The following AUTS2 variants were observed in gnomAD, a reference collection of about 807,000 sequenced individuals.
AUTS2 encodes activator of transcription and developmental regulator AUTS2, also known as autism susceptibility gene 2 protein.
In AUTS2, 17 loss-of-function variants were observed where a neutral mutation model predicts 112.4. That is an observed-to-expected ratio of 0.15 (90% CI 0.10 to 0.23). AUTS2 has a LOEUF of 0.23. Ranked by LOEUF, AUTS2 falls within the 10% of genes least tolerant of loss-of-function variation. The pLI is 1.00. For synonymous variants in AUTS2, 751 were observed against 702.7 expected (o/e 1.07, Z -1.09); for missense variants, 1,510 against 1,701.6 (o/e 0.89, Z 1.98).
chr7:70,654,146 A>T (rs1806647663), intron 5 of AUTS2, among the ~76,000 whole-genome samples: 2 of 152,220 alleles, frequency 1.3e-5, no homozygotes, highest in South Asian at 4.1e-4. Flanking sequence ...AACTATGGAA[A>T]TATGATAGTC....
chr7:70,575,717 C>T (rs1802136230), intron 5 of AUTS2, among the ~76,000 whole-genome samples: 1 of 152,208 alleles, frequency 6.6e-6, no homozygotes, highest in South Asian at 2.1e-4. Flanking sequence ...AACTGCGGGC[C>T]TGTCAGTCCC....
chr7:70,615,590 T>TTGC (rs1372488543), intron 5 of AUTS2, among the ~76,000 whole-genome samples: 1 of 151,802 alleles, frequency 6.6e-6, no homozygotes, highest in Non-Finnish European at 1.5e-5. Flanking sequence ...GTTGTTGTTG[T>TTGC]TGTTGTTGTT....
chr7:69,820,514 G>T (rs1165273481), intron 1 of AUTS2, among the ~76,000 whole-genome samples: 1 of 152,234 alleles, frequency 6.6e-6, no homozygotes, highest in Non-Finnish European at 1.5e-5. Context: ...CCTGCTTTAG[G>T]TTCATCAGTT....
At chr7:70,187,200 A>T (rs570850178) in intron 4 of AUTS2, among the ~76,000 whole-genome samples, 1 of 152,234 alleles carries the variant, frequency 6.6e-6, no homozygotes, top group Admixed American at 6.5e-5. Flanking sequence ...AGAGATTCCC[A>T]CTCTATTTCA....
At chr7:70,248,672 TCTTA>T (rs1161070660) in intron 4 of AUTS2, among the ~76,000 whole-genome samples, 3 of 152,226 alleles carry the variant, frequency 2.0e-5, no homozygotes, top group African/African-American at 4.8e-5. Flanking sequence ...AATTGTTTCT[TCTTA>T]CTTCATTTTT....
intron 5 of AUTS2, among the ~76,000 whole-genome samples, chr7:70,683,746 C>A (rs1472534202): frequency 6.6e-6 from 1 of 152,204 alleles, no homozygotes; most frequent in Admixed American, 6.5e-5. Context: ...TGCCCTGACC[C>A]TATGTAACAG....
In AUTS2 at chr7:70,631,549, A is replaced by C. The variant is rs1228173679; in HGVS notation, c.691-67020A>C. On this transcript the variant is annotated intron_variant, in intron 5 of 18. Coordinates refer to ENST00000342771, the MANE Select transcript of AUTS2 (RefSeq NM_015570.4). The surrounding 1 kb of genome is among the most constrained non-coding windows in gnomAD (Gnocchi z 4.5). ...AATGTGGGCTGGAGAGCGCTGTCCCAGTGGTGGCCCCGAGGCCACAGGTTC... is the reference window on the plus strand; with the variant it reads ...AATGTGGGCTGGAGAGCGCTGTCCCCGTGGTGGCCCCGAGGCCACAGGTTC... Among the ~76,000 whole-genome samples the C allele has an allele frequency of 8.5e-5, 13 of 152,150 alleles. No individual in the cohort carries two copies. The highest frequency in any genetic ancestry group is 2.9e-5 in the Non-Finnish European group (2 of 68,032).
intron 5 of AUTS2, among the ~76,000 whole-genome samples, chr7:70,470,897 A>G (rs1797354823): frequency 6.6e-6 from 1 of 152,172 alleles, no homozygotes; most frequent in Admixed American, 6.5e-5. Context: ...GACCCGCGGC[A>G]GTGTGTTTCA....
chr7:70,425,841 T>G (rs1458656147), intron 4 of AUTS2, among the ~76,000 whole-genome samples: 1 of 152,240 alleles, frequency 6.6e-6, no homozygotes, highest in Non-Finnish European at 1.5e-5. Context: ...TTACTGAAGA[T>G]GAATAGATGG....
chr7:70,018,439 G>T (rs1449563571), intron 2 of AUTS2, among the ~76,000 whole-genome samples: 2 of 152,150 alleles, frequency 1.3e-5, no homozygotes, highest in African/African-American at 2.4e-5. Context: ...ACTCAGTTTT[G>T]TAAATGAAGA....
chr7:70,219,513 TA>T (rs748135994), intron 4 of AUTS2, among the ~76,000 whole-genome samples: 7 of 151,940 alleles, frequency 4.6e-5, no homozygotes, highest in Non-Finnish European at 1.0e-4. Flanking sequence ...CATTTGTATA[TA>T]ACATTTGTTT....
chr7:70,600,337 G>A (rs961903270), intron 5 of AUTS2, among the ~76,000 whole-genome samples: 5 of 152,092 alleles, frequency 3.3e-5, no homozygotes, highest in African/African-American at 1.2e-4. Flanking sequence ...GTGCGGTGGT[G>A]CCATCTTGGC....
chr7:70,769,541 C>T (rs1435638889), intron 10 of AUTS2, among the ~76,000 whole-genome samples: 10 of 152,112 alleles, frequency 6.6e-5, no homozygotes, highest in African/African-American at 1.9e-4. Context: ...AAACATTAGC[C>T]GGGCGTGGTG....
chr7:70,574,672 C>T (rs1802086292), intron 5 of AUTS2, among the ~76,000 whole-genome samples: 1 of 152,304 alleles, frequency 6.6e-6, no homozygotes, highest in African/African-American at 2.4e-5. Context: ...AGGACTGTCT[C>T]CTGCCATTCT....
intron 5 of AUTS2, among the ~76,000 whole-genome samples, chr7:70,452,078 G>A (rs956292639): frequency 6.6e-6 from 1 of 152,190 alleles, no homozygotes; most frequent in African/African-American, 2.4e-5. Flanking sequence ...GCCTTGGGCA[G>A]TTTACTAATG....
intron 4 of AUTS2, among the ~76,000 whole-genome samples, chr7:70,154,721 G>A (rs531701230): frequency 2.0e-5 from 3 of 152,264 alleles, no homozygotes; most frequent in South Asian, 2.1e-4. Flanking sequence ...CATGATCAGC[G>A]CTCTCCACTT....
chr7:70,233,195 G>C (rs1007799436), intron 4 of AUTS2, among the ~76,000 whole-genome samples: 1 of 152,072 alleles, frequency 6.6e-6, no homozygotes, highest in Non-Finnish European at 1.5e-5. Flanking sequence ...AATCCCTCTT[G>C]TAGAAACTTG....
rs79490817 is a variant in AUTS2 at position 70,050,679 on chromosome 7, T to C, written c.523-67453T>C. Among the ~76,000 whole-genome samples, 447 of 152,140 alleles carry C rather than the reference T, an allele frequency of 2.9e-3. 5 individuals are homozygous for C. The highest frequency in any genetic ancestry group is 0.01 in the African/African-American group (433 of 41,504). On this transcript the variant is annotated intron_variant, in intron 2 of 18. Transcript: ENST00000342771. Reference sequence around the variant, plus strand: ...TTCCCCATCCCACTCCAGATTCTTTTTGCCATCCCTATCTACATTAAATAG... The same window carrying C: ...TTCCCCATCCCACTCCAGATTCTTTCTGCCATCCCTATCTACATTAAATAG...
At chr7:70,651,520 A>G (rs368402661) in intron 5 of AUTS2, among the ~76,000 whole-genome samples, 2 of 152,330 alleles carry the variant, frequency 1.3e-5, no homozygotes, top group East Asian at 3.9e-4. Context: ...CACGCTCAAA[A>G]CACTTACATT....
Sources: allele counts gnomAD v4.1 joint callset (sites outside exome capture counted in the v4.1 genomes callset), GRCh38; gene constraint gnomAD v4.1.1; non-coding constraint Gnocchi (gnomAD v3.1); transcripts MANE v1.5; gene names NCBI Gene and HGNC (gene_info 2026-07-23, HGNC 2026-07-21).